UBXN2B: variants seen among roughly 807,000 people sequenced by gnomAD.
UBXN2B encodes the protein UBX domain protein 2B, also known as UBX domain-containing protein 2B.
Under a neutral mutation model 37.5 loss-of-function variants are expected in UBXN2B, and 19 were observed. The observed-to-expected ratio is 0.51, with a 90% CI of 0.35 to 0.74. The LOEUF (loss-of-function observed/expected upper bound fraction) is 0.74, where lower values mean the gene tolerates loss of function less well. UBXN2B is among the 30% of genes least tolerant of loss of function. UBXN2B has a pLI of 0.01. For synonymous variants in UBXN2B, 145 were observed against 143.8 expected, an observed-to-expected ratio of 1.01 and a Z score of -0.06; for missense variants, 370 against 393.2, an observed-to-expected ratio of 0.94 and a Z score of 0.50.
rs117808026 is a variant in UBXN2B, at chr8:58,420,008, G to A, written c.188+3055G>A. Among the ~76,000 whole-genome samples the A allele has an allele frequency of 3.6e-3, 546 of 152,298 alleles. 2 individuals are homozygous for A. Among genetic ancestry groups the A allele is most frequent in the Non-Finnish European group, 6.2e-3 (421 of 68,020 alleles). On this transcript the variant is annotated intron_variant, in intron 2 of 7. Transcript: ENST00000399598. ...TCTCACAAATTATGTAGCCAGTTGC[G>A]GATACAGCCTTGAAGACCAAGAAGA...
Position 58,451,388 on chromosome 8 carries a change from A to G in UBXN2B, c.*3837A>G, listed in dbSNP as rs545565466. 1 of 152,216 alleles carries G rather than the reference A, an allele frequency of 6.6e-6. No individual in the cohort carries two copies. Among genetic ancestry groups the G allele is most frequent in the East Asian group, 1.9e-4 (1 of 5,198 alleles). 9.4% of individuals were successfully genotyped at this position (152,216 alleles called of 1,614,324 possible). A position where few individuals can be genotyped will look rare whatever the true frequency, so the allele number is the denominator to read the frequency against. ...CTTAAATTTATAATCATCTCAAAAA[A>G]GATGTCACAATGAACAGACAACCAT... is the stretch of plus-strand genomic sequence containing the variant. On this transcript the variant is annotated 3_prime_UTR_variant, in exon 8 of 8. Coordinates refer to ENST00000399598, the MANE Select transcript of UBXN2B (RefSeq NM_001077619.2).
chr8:58,420,227 T>C (rs1321777747), intron 2 of UBXN2B, among the ~76,000 whole-genome samples: 1 of 152,230 alleles, frequency 6.6e-6, no homozygotes, highest in East Asian at 1.9e-4. Context: ...AATACACTTT[T>C]ACTCTGATAA....
intron 4 of UBXN2B, among the ~76,000 whole-genome samples, chr8:58,433,932 T>C (rs1808348270): frequency 6.6e-6 from 1 of 152,198 alleles, no homozygotes; most frequent in African/African-American, 2.4e-5. Flanking sequence ...AGTTTTAATT[T>C]TATTTTAGAC....
At chr8:58,430,699 T>C (rs1808249892) in intron 3 of UBXN2B, 30 bp downstream of exon 3, 2 of 1,370,902 alleles carry the variant, frequency 1.5e-6, no homozygotes, top group African/African-American at 3.0e-5. Flanking sequence ...CTAAATACAT[T>C]GTTTCTATAT....
chr8:58,447,460 C>A lies in UBXN2B; in HGVS notation c.905C>A (p.Thr302Asn). The A allele has an allele frequency of 6.2e-7, 1 of 1,613,362 alleles. No homozygotes were observed. Among genetic ancestry groups the A allele is most frequent in the Non-Finnish European group, 8.5e-7 (1 of 1,179,550 alleles). The change falls in exon 8 of 8, where the codon ACT becomes AAT. Residue 302 changes from threonine to asparagine, a missense_variant. This residue lies in a region of UBXN2B where 83 missense variants were observed against 83.5 expected (regional missense o/e 0.99). Coordinates refer to ENST00000399598, the MANE Select transcript of UBXN2B (RefSeq NM_001077619.2). ...EFAALDFILV[T>N]SFPNKELTDE... ...GCGGCTCTTGACTTTATTCTTGTGA[C>A]TTCATTTCCGAATAAAGAGCTAACA...
At chr8:58,442,696 A>T (rs886863008) in intron 6 of UBXN2B, among the ~76,000 whole-genome samples, 21 of 152,362 alleles carry the variant, frequency 1.4e-4, no homozygotes, top group African/African-American at 5.1e-4. Flanking sequence ...TATTGAGTAA[A>T]AATTAGCTTG....
chr8:58,443,638 C>CAAAAAA (rs754470490), intron 6 of UBXN2B, among the ~76,000 whole-genome samples: 2 of 59,610 alleles, frequency 3.4e-5, no homozygotes, highest in Non-Finnish European at 3.4e-5. Flanking sequence ...ACTAAAAATC[C>CAAAAAA]AAAAAAAAAA....
Position 58,416,402 on chromosome 8 carries a change from A to G in UBXN2B, c.85-448A>G, listed in dbSNP as rs537821996. On this transcript the variant is annotated intron_variant, in intron 1 of 7. Coordinates refer to ENST00000399598, the MANE Select transcript of UBXN2B (RefSeq NM_001077619.2). ...AATTTATAAGTTTGGTAGACTTTTA[A>G]ATAGAATACTTCTGAAATTGTTTTA... Among the ~76,000 whole-genome samples, 3 of 152,242 alleles carry G rather than the reference A, an allele frequency of 2.0e-5. No homozygotes were observed. In the East Asian group the frequency reaches 5.8e-4, roughly 29 times the overall value.
At chr8:58,426,363 T>G in intron 2 of UBXN2B, 1 of 494,024 alleles carries the variant, frequency 2.0e-6, no homozygotes, top group African/African-American at 1.9e-5. Context: ...CCTGCCACCA[T>G]GCCCGGCTAA....
Position 58,451,035 on chromosome 8 carries a change from CAA to C in UBXN2B, c.*3487_*3488del. On this transcript the variant is annotated 3_prime_UTR_variant, in exon 8 of 8. Coordinates refer to ENST00000399598, the MANE Select transcript of UBXN2B (RefSeq NM_001077619.2). ...GGGGTAAAACAACTTTTTCATGGGT[CAA>C]AATCATCTTCCGAAGAAAATGATTT... 1 of 152,550 alleles carries C rather than the reference CAA, an allele frequency of 6.6e-6. No individual in the cohort carries two copies. Among genetic ancestry groups the C allele is most frequent in the Non-Finnish European group, 1.5e-5 (1 of 68,026 alleles). The allele number at this position is 152,550 out of a possible 1,614,324, so 9.4% of individuals were successfully genotyped here.
At chr8:58,446,779 A>ATTTTTTTCTTTTTTTTTT (rs1808682992) in intron 7 of UBXN2B, among the ~76,000 whole-genome samples, 1 of 17,386 alleles carries the variant, frequency 5.8e-5, no homozygotes, top group African/African-American at 2.2e-4. Flanking sequence ...TACAACCTGC[A>ATTTTTTTCTTTTTTTTTT]TTTTTTTTTT....
At chr8:58,444,893 G>C (rs1387802010) in intron 6 of UBXN2B, among the ~76,000 whole-genome samples, 1 of 152,150 alleles carries the variant, frequency 6.6e-6, no homozygotes, top group Non-Finnish European at 1.5e-5. Context: ...CTCTGAGAGA[G>C]AAGCTTTTTG....
Position 58,433,247 on chromosome 8 carries a change from G to A in UBXN2B, c.423+4G>A. The A allele has an allele frequency of 6.3e-7, 1 of 1,596,776 alleles. No individual in the cohort carries two copies. Among genetic ancestry groups the A allele is most frequent in the African/African-American group, 1.3e-5 (1 of 74,458 alleles). On this transcript the variant is annotated splice_donor_region_variant and intron_variant, in intron 4 of 7. Coordinates refer to ENST00000399598, the MANE Select transcript of UBXN2B (RefSeq NM_001077619.2). ...TGGAGAAAATCAGCTGCAAGATGTA[G>A]GTACAATAATCAAAATGAAAAAGTA... is the stretch of plus-strand genomic sequence containing the variant.
At chr8:58,440,546 T>C (rs1808514857) in intron 6 of UBXN2B, among the ~76,000 whole-genome samples, 1 of 152,232 alleles carries the variant, frequency 6.6e-6, no homozygotes, top group Admixed American at 6.5e-5. Flanking sequence ...GTTTCCTTTA[T>C]AATACCCATG....
rs1245013956 is a variant in UBXN2B at position 58,439,613 on chromosome 8, T to C, written c.534-20T>C. The C allele has an allele frequency of 1.3e-6, 2 of 1,587,560 alleles. No homozygotes were observed. Among genetic ancestry groups the C allele is most frequent in the African/African-American group, 2.7e-5 (2 of 73,118 alleles). ...TTCTTGGAAAACTTAATGATAACTT[T>C]TTTCCCCCCTTTTTAAAAGAGAGAT... On this transcript the variant is annotated intron_variant, in intron 5 of 7. Transcript: ENST00000399598.
Position 58,430,641 on chromosome 8 carries a change from C to T in UBXN2B, c.311C>T (p.Thr104Ile), listed in dbSNP as rs1808248257. 1 of 1,586,394 alleles carries T rather than the reference C, an allele frequency of 6.3e-7. No individual in the cohort carries two copies. The highest frequency in any genetic ancestry group is 2.3e-5 in the East Asian group (1 of 43,754). ...GGGGCTGTCCCTCTGAATGAAGCCA[C>T]AAGAGCTTCAGGTGATGATAAATCT... is the stretch of plus-strand genomic sequence containing the variant. ...EHGAVPLNEA[T>I]RASGDDKSKS... is the part of the protein sequence containing the mutation. The change falls in exon 3 of 8, where the codon ACA becomes ATA. Residue 104 changes from threonine to isoleucine, a missense_variant. Thr to Ile is a moderately conservative substitution (Grantham distance 89). This residue lies in a region of UBXN2B where 197 missense variants were observed against 170.2 expected (regional missense o/e 1.16). Transcript: ENST00000399598.
Position 58,447,634 on chromosome 8 carries a change from C to A in UBXN2B, c.*83C>A. On this transcript the variant is annotated 3_prime_UTR_variant, in exon 8 of 8. Coordinates refer to ENST00000399598, the MANE Select transcript of UBXN2B (RefSeq NM_001077619.2). Reference sequence around the variant, plus strand: ...GACAATACTTCAGCATTAAAAACAGCCAAATTATTTTTATTATTTTTACAG... The same window carrying A: ...GACAATACTTCAGCATTAAAAACAGACAAATTATTTTTATTATTTTTACAG... The A allele has an allele frequency of 2.4e-6, 3 of 1,263,700 alleles. No individual in the cohort carries two copies. The highest frequency in any genetic ancestry group is 3.1e-6 in the Non-Finnish European group (3 of 962,380). The allele number at this position is 1,263,700 out of a possible 1,614,324, so 78.3% of individuals were successfully genotyped here.
chr8:58,427,585 GAGTA>G (rs1349015958), intron 2 of UBXN2B, among the ~76,000 whole-genome samples: 2 of 152,226 alleles, frequency 1.3e-5, no homozygotes, highest in Non-Finnish European at 2.9e-5. Flanking sequence ...GGGATATAGG[GAGTA>G]AGCCAGTGGG....
chr8:58,427,595 G>T (rs1211983547), intron 2 of UBXN2B, among the ~76,000 whole-genome samples: 3 of 152,366 alleles, frequency 2.0e-5, no homozygotes, highest in East Asian at 3.9e-4. Context: ...GAGTAAGCCA[G>T]TGGGAAAGAG....
Sources: gnomAD v4.1 joint callset for allele counts (sites outside exome capture counted in the v4.1 genomes callset) on GRCh38, gnomAD v4.1.1 for gene constraint, gnomAD v4.1.1 regional missense constraint, MANE v1.5 for transcripts, NCBI Gene and HGNC (gene_info 2026-07-23, HGNC 2026-07-21) for gene names.